The following PARN variants were observed in gnomAD, a reference collection of about 807,000 sequenced individuals.
PARN encodes the protein poly(A)-specific ribonuclease PARN.
In PARN, 71 loss-of-function variants were observed where a neutral mutation model predicts 102.8. That is an observed-to-expected ratio of 0.69 (90% confidence interval 0.57 to 0.84). The LOEUF (loss-of-function observed/expected upper bound fraction) is 0.84, where lower values mean the gene tolerates loss of function less well. Ranked by LOEUF, PARN falls within the 40% of genes least tolerant of loss-of-function variation. The probability of loss-of-function intolerance (pLI) is 0.00; values close to 1 mark genes in which losing one functional copy is unlikely to be tolerated. For missense variants in PARN, 782 were observed against 760.9 expected, an observed-to-expected ratio of 1.03 and a Z score of -0.33; for synonymous variants, 261 against 252.9, an observed-to-expected ratio of 1.03 and a Z score of -0.30.
intron 18 of PARN, among the ~76,000 whole-genome samples, chr16:14,572,691 A>G (rs1366355089): frequency 6.6e-6 from 1 of 152,224 alleles, no homozygotes; most frequent in Admixed American, 6.5e-5. Flanking sequence ...TGACACAATC[A>G]TCATCTGATT....
At chr16:14,521,337 G>A (rs1282090084) in intron 21 of PARN, among the ~76,000 whole-genome samples, 1 of 152,170 alleles carries the variant, frequency 6.6e-6, no homozygotes, top group African/African-American at 2.4e-5. Flanking sequence ...AAAGTTCTAT[G>A]GCCTGCAGGT....
chr16:14,497,944 T>C (rs1289846595), intron 21 of PARN, among the ~76,000 whole-genome samples: 1 of 152,012 alleles, frequency 6.6e-6, no homozygotes, highest in East Asian at 1.9e-4. Context: ...GCCAACATGA[T>C]GAAACCCTGT....
At chr16:14,532,811 A>ACCC (rs1193238168) in intron 21 of PARN, among the ~76,000 whole-genome samples, 1 of 135,144 alleles carries the variant, frequency 7.4e-6, no homozygotes. Context: ...CGGGGGGCTG[A>ACCC]CCCCCCCACC....
intron 22 of PARN, among the ~76,000 whole-genome samples, chr16:14,476,210 T>C (rs1273532835): frequency 3.3e-5 from 5 of 149,830 alleles, no homozygotes; most frequent in Admixed American, 1.3e-4. Context: ...AGAAGTCAAA[T>C]TAATTTAATA....
chr16:14,617,793 T>A (rs1972021359), intron 5 of PARN, 143 bp from the exon 6 acceptor site: 1 of 635,810 alleles, frequency 1.6e-6, no homozygotes, highest in African/African-American at 1.8e-5. Context: ...AAGGAATTTC[T>A]ACTCCACAAA....
rs141287759 is a variant in PARN at position 14,446,724 on chromosome 16, C to T, written c.1864+164G>A. Among the ~76,000 whole-genome samples the T allele has an allele frequency of 8.6e-3, 1,304 of 152,238 alleles. 65 individuals carry two copies. The highest frequency in any genetic ancestry group is 0.077 in the Admixed American group (1,182 of 15,276). On this transcript the variant is annotated intron_variant, in intron 23 of 23. Transcript: ENST00000437198. ...CCCGAGCCAGAGCTTTTTAGGATTC[C>T]TCAAATTAAATTAAATTGATCCTAA...
chr16:14,529,716 G>A (rs977417453), intron 21 of PARN, among the ~76,000 whole-genome samples: 2 of 152,148 alleles, frequency 1.3e-5, no homozygotes, highest in Admixed American at 6.5e-5. Flanking sequence ...TTGGCAGGTA[G>A]GGAGTATCGT....
intron 5 of PARN, among the ~76,000 whole-genome samples, chr16:14,619,808 A>G (rs561818773): frequency 1.3e-5 from 2 of 152,116 alleles, no homozygotes; most frequent in South Asian, 4.1e-4. Flanking sequence ...GTGATGGCTC[A>G]TGCCTGTAAT....
intron 9 of PARN, chr16:14,608,048 T>G: frequency 1.8e-6 from 1 of 545,950 alleles, no homozygotes; most frequent in Non-Finnish European, 3.2e-6. Context: ...ATCCATAGCT[T>G]AACAGATGCA....
chr16:14,614,067 G>C (rs1340251652), intron 6 of PARN, among the ~76,000 whole-genome samples: 1 of 152,130 alleles, frequency 6.6e-6, no homozygotes, highest in African/African-American at 2.4e-5. Context: ...GACCAGCCTG[G>C]ACAATATAGT....
chr16:14,558,060 T>C (rs1005124713), intron 18 of PARN, among the ~76,000 whole-genome samples: 2 of 152,230 alleles, frequency 1.3e-5, no homozygotes, highest in South Asian at 2.1e-4. Flanking sequence ...ATGCTTCATA[T>C]AATTTTCAGT....
intron 6 of PARN, among the ~76,000 whole-genome samples, chr16:14,617,207 AC>A (rs1402876680): frequency 3.4e-4 from 52 of 151,444 alleles, no homozygotes; most frequent in Admixed American, 3.4e-3. Flanking sequence ...ACACGGTGAA[AC>A]CCTGTCTCTA....
chr16:14,512,456 G>A (rs1965240022), intron 21 of PARN, among the ~76,000 whole-genome samples: 1 of 152,120 alleles, frequency 6.6e-6, no homozygotes, highest in Admixed American at 6.6e-5. Context: ...TCACACCACT[G>A]CACTTCAGCC....
chr16:14,602,467 C>T lies in PARN; in HGVS notation c.783+1679G>A, dbSNP rs143119934. Among the ~76,000 whole-genome samples, 156 of 152,270 alleles carry T rather than the reference C, an allele frequency of 1.0e-3. 1 individual carries two copies. Among genetic ancestry groups the T allele is most frequent in the African/African-American group, 3.4e-3 (143 of 41,558 alleles). ...GACAAACCTGCTAAGAGGACATCCA[C>T]CCTTGCATGTCCTAAAAACACTCGA... On this transcript the variant is annotated intron_variant, in intron 11 of 23. Transcript: ENST00000437198.
At chr16:14,440,155 G>A (rs1960884185) in intron 23 of PARN, among the ~76,000 whole-genome samples, 1 of 152,094 alleles carries the variant, frequency 6.6e-6, no homozygotes, top group Admixed American at 6.6e-5. Context: ...TCAAAATGCA[G>A]TCAGAAAATA....
intron 18 of PARN, among the ~76,000 whole-genome samples, chr16:14,564,775 A>C (rs1968328945): frequency 1.3e-5 from 2 of 152,022 alleles, no homozygotes; most frequent in Non-Finnish European, 2.9e-5. Flanking sequence ...AGAACTCAGT[A>C]TTTTCACTCC....
In PARN at chr16:14,629,638, A is replaced by G. The variant is rs772983825; in HGVS notation, c.56T>C (p.Ile19Thr). 4.3e-6 allele frequency: 7 copies of G among 1,613,406 alleles called. No individual in the cohort carries two copies. The highest frequency in any genetic ancestry group is 5.1e-6 in the Non-Finnish European group (6 of 1,179,322). Residue 19 changes from isoleucine to threonine, a missense_variant, in exon 2 of 24, where the codon ATA becomes ACA. Ile to Thr is a moderately conservative substitution (Grantham distance 89). Transcript: ENST00000437198. Reference sequence around the variant, plus strand: ...GATGGCGAAGAAGTCGGCCTCCTCTATGGCCTGGTACACTTTGTGAAGATT... The same window carrying G: ...GATGGCGAAGAAGTCGGCCTCCTCTGTGGCCTGGTACACTTTGTGAAGATT... ...KSNLHKVYQA[I>T]EEADFFAIDG...
At chr16:14,485,656 CTTTTT>C in intron 21 of PARN, among the ~76,000 whole-genome samples, 1 of 144,556 alleles carries the variant, frequency 6.9e-6, no homozygotes, top group African/African-American at 2.5e-5. Flanking sequence ...TATTTCAATT[CTTTTT>C]TTTTTTTAAG....
intron 22 of PARN, among the ~76,000 whole-genome samples, chr16:14,459,795 AAC>A (rs969975664): frequency 2.6e-5 from 4 of 152,218 alleles, no homozygotes; most frequent in African/African-American, 9.6e-5. Flanking sequence ...TTGGTGAAAG[AAC>A]AGACATATAG....
Sources: allele counts gnomAD v4.1 joint callset (sites outside exome capture counted in the v4.1 genomes callset), GRCh38; gene constraint gnomAD v4.1.1; transcripts MANE v1.5; gene names NCBI Gene and HGNC (gene_info 2026-07-23, HGNC 2026-07-21).